The following MAGEC3 variants were observed in gnomAD, a reference collection of about 807,000 sequenced individuals.
The protein encoded by MAGEC3 is MAGE family member C3, also known as melanoma-associated antigen C3.
Under a neutral mutation model 35.3 loss-of-function variants are expected in MAGEC3, and 34 were observed. The observed-to-expected ratio is 0.96, with a 90% confidence interval of 0.73 to 1.28. MAGEC3 has a LOEUF of 1.28. MAGEC3 is among the 50% of genes most tolerant of loss of function. MAGEC3 has a pLI of 0.00. For missense variants in MAGEC3, 561 were observed against 483.6 expected, an observed-to-expected ratio of 1.16 and a Z score of -1.50; for synonymous variants, 202 against 185.6, an observed-to-expected ratio of 1.09 and a Z score of -0.72.
intron 1 of MAGEC3, 171 bp downstream of exon 1, chrX:141,838,609 C>T (rs1003910183): frequency 1.9e-5 from 14 of 729,760 alleles, no homozygotes; most frequent in Non-Finnish European, 1.9e-5. Context: ...CCCTTGGTTG[C>T]AGTAGCCTGT....
chrX:141,841,258 C>A (rs2017683855), intron 1 of MAGEC3, among the ~76,000 whole-genome samples: 1 of 111,721 alleles, frequency 9.0e-6, no homozygotes, highest in Non-Finnish European at 1.9e-5. Context: ...CCAAAGACTC[C>A]TTTTGGATAT....
At chrX:141,889,746 A>C (rs971242122) in intron 4 of MAGEC3, among the ~76,000 whole-genome samples, 1 of 111,849 alleles carries the variant, frequency 8.9e-6, no homozygotes, top group African/African-American at 3.3e-5. Context: ...AACCTTCAGG[A>C]ATGAAGGTTT....
chrX:141,895,644 C>A, intron 6 of MAGEC3, 85 bp downstream of exon 6: 1 of 941,589 alleles, frequency 1.1e-6, no homozygotes, highest in Non-Finnish European at 1.4e-6. Context: ...CCCAGAGATT[C>A]CCACCCTGCT....
rs763461270 is a variant in MAGEC3 at position 141,897,630 on chromosome X, C to T, written c.1730C>T (p.Pro577Leu). 1 of 1,207,316 alleles carries T rather than the reference C, an allele frequency of 8.3e-7. No homozygotes were observed. Among genetic ancestry groups the T allele is most frequent in the Non-Finnish European group, 1.1e-6 (1 of 893,567 alleles). Residue 577 changes from proline (P) to leucine (L), a missense_variant and splice_region_variant, in exon 8 of 8, where the codon CCC becomes CTC. Coordinates refer to ENST00000298296, the MANE Select transcript of MAGEC3 (RefSeq NM_138702.1). ...ATGAATTTTTGTGGGGTCCAAGAGCCCATTCAGAGGCCAGCAAGAGAAGTC... is the reference window on the plus strand; with the variant it reads ...ATGAATTTTTGTGGGGTCCAAGAGCTCATTCAGAGGCCAGCAAGAGAAGTC... ...VIWEVLSAIG[P>L]IQRPAREVLE... is the part of the protein sequence containing the mutation.
intron 1 of MAGEC3, among the ~76,000 whole-genome samples, chrX:141,842,932 T>C (rs914443773): frequency 8.9e-6 from 1 of 112,140 alleles, no homozygotes; most frequent in Non-Finnish European, 1.9e-5. Context: ...GCAACAAAAG[T>C]CATTCTAACT....
At chrX:141,840,404 A>T (rs2124077284) in intron 1 of MAGEC3, among the ~76,000 whole-genome samples, 1 of 112,367 alleles carries the variant, frequency 8.9e-6, no homozygotes, top group Non-Finnish European at 1.9e-5. Context: ...TGATTTAAGA[A>T]AGTGAAAGTT....
chrX:141,840,498 A>C (rs937708975), intron 1 of MAGEC3, among the ~76,000 whole-genome samples: 1 of 112,047 alleles, frequency 8.9e-6, no homozygotes, highest in Non-Finnish European at 1.9e-5. Context: ...AATTTGTTCT[A>C]TGTAGCAAAC....
At chrX:141,881,828 G>A (rs748665635) in intron 4 of MAGEC3, 32 bp downstream of exon 4, 26 of 1,205,916 alleles carry the variant, frequency 2.2e-5, no homozygotes, top group South Asian at 2.1e-4. Context: ...TTCGTCTATC[G>A]GGAGCCCAGG....
chrX:141,874,648 C>T (rs189508815), intron 2 of MAGEC3, among the ~76,000 whole-genome samples: 173 of 110,828 alleles, frequency 1.6e-3, no homozygotes, highest in Admixed American at 0.015. Flanking sequence ...CAGGATACCA[C>T]TACACATCTT....
chrX:141,866,406 AT>A (rs1388214847), intron 2 of MAGEC3, among the ~76,000 whole-genome samples: 1 of 112,350 alleles, frequency 8.9e-6, no homozygotes, highest in African/African-American at 3.2e-5. Context: ...ACTGATTAAA[AT>A]ACCACTTTAC....
chrX:141,843,315 T>C (rs2017697067), intron 1 of MAGEC3, among the ~76,000 whole-genome samples: 1 of 111,625 alleles, frequency 9.0e-6, no homozygotes, highest in African/African-American at 3.3e-5. Context: ...GCCATCAACC[T>C]GTGTTATAGA....
chrX:141,864,208 G>A (rs2017833161), intron 1 of MAGEC3, among the ~76,000 whole-genome samples: 1 of 108,655 alleles, frequency 9.2e-6, no homozygotes, highest in African/African-American at 3.4e-5. Context: ...GCCTGGGCAT[G>A]GTGGCTCACG....
At chrX:141,875,779 A>G (rs1057203789) in intron 2 of MAGEC3, among the ~76,000 whole-genome samples, 2 of 111,869 alleles carry the variant, frequency 1.8e-5, no homozygotes, top group Non-Finnish European at 3.8e-5. Context: ...AGGGCATGGG[A>G]CCAGAGCTGG....
At chrX:141,843,564 A>G (rs1406648357) in intron 1 of MAGEC3, among the ~76,000 whole-genome samples, 1 of 111,148 alleles carries the variant, frequency 9.0e-6, no homozygotes, top group Non-Finnish European at 1.9e-5. Flanking sequence ...TTCAAACTAT[A>G]TATCACCCCA....
chrX:141,848,006 G>A (rs2017727233), intron 1 of MAGEC3, among the ~76,000 whole-genome samples: 1 of 110,332 alleles, frequency 9.1e-6, no homozygotes, highest in Admixed American at 9.7e-5. Flanking sequence ...TGCATAGTCA[G>A]GATTATCCAG....
intron 4 of MAGEC3, among the ~76,000 whole-genome samples, chrX:141,883,026 T>G (rs2017977374): frequency 8.9e-6 from 1 of 111,917 alleles, no homozygotes; most frequent in Non-Finnish European, 1.9e-5. Flanking sequence ...AAAACTGCTC[T>G]GAGCAGTTCC....
Position 141,896,100 on chromosome X carries a change from T to C in MAGEC3, c.1123+541T>C, listed in dbSNP as rs369235132. 1.0e-3 allele frequency: 137 copies of C among 130,797 alleles called. 1 individual carries two copies. In the East Asian group the frequency reaches 0.022, roughly 21 times the overall value. The allele number at this position is 130,797 out of a possible 1,213,427, so 10.8% of individuals were successfully genotyped here. On this transcript the variant is annotated intron_variant, in intron 6 of 7. Coordinates refer to ENST00000298296, the MANE Select transcript of MAGEC3 (RefSeq NM_138702.1). ...GAACTGTGGGGCTCTGGGAGTCTGG[T>C]CAGCCCCAGCTGTCAGCCTTGGGAG...
intron 1 of MAGEC3, among the ~76,000 whole-genome samples, chrX:141,864,316 C>CAAAAAAA (rs3972654): frequency 3.1e-5 from 1 of 32,280 alleles, no homozygotes; most frequent in African/African-American, 8.0e-5. Flanking sequence ...CTCATCTCTA[C>CAAAAAAA]AAAAAAAAAA....
chrX:141,848,510 A>G (rs2124085155), intron 1 of MAGEC3, among the ~76,000 whole-genome samples: 1 of 111,328 alleles, frequency 9.0e-6, no homozygotes, highest in South Asian at 3.7e-4. Flanking sequence ...TCAAACGAAG[A>G]ACACAGTTTC....
Sources: gnomAD v4.1 joint callset for allele counts (sites outside exome capture counted in the v4.1 genomes callset) on GRCh38, gnomAD v4.1.1 for gene constraint, MANE v1.5 for transcripts, NCBI Gene and HGNC (gene_info 2026-07-23, HGNC 2026-07-21) for gene names.